STPG2: variants seen among roughly 807,000 people sequenced by gnomAD.
The protein encoded by STPG2 is sperm-tail PG-rich repeat-containing protein 2.
A neutral mutation model predicts 54.2 loss-of-function variants in STPG2; 56 were observed. The observed-to-expected ratio is 1.03, with a 90% CI of 0.83 to 1.29. The LOEUF is 1.29. Ranked by LOEUF, STPG2 falls within the 50% of genes most tolerant of loss-of-function variation. The pLI, the probability that STPG2 is intolerant of heterozygous loss-of-function variation, is 0.00. For missense variants in STPG2, 596 were observed against 544.9 expected, an observed-to-expected ratio of 1.09 and a Z score of -0.93; for synonymous variants, 200 against 181.8, an observed-to-expected ratio of 1.10 and a Z score of -0.81.
At position 98,068,965 on chromosome 4, in the gene STPG2, C is replaced by T. The variant is rs1321779914; in HGVS notation, c.612+36988G>A. ...ATAATCTTATGGGACCATCATCATA[C>T]GTGCAGTCCATTGTTGACCAAAATA... is the stretch of plus-strand genomic sequence containing the variant. On this transcript the variant is annotated intron_variant, in intron 5 of 10. Transcript: ENST00000295268. 3.3e-5 allele frequency among the ~76,000 whole-genome samples: 5 copies of T among 151,996 alleles called. 1 individual carries two copies. The highest frequency in any genetic ancestry group is 5.9e-5 in the Non-Finnish European group (4 of 68,004).
intron 5 of STPG2, among the ~76,000 whole-genome samples, chr4:98,065,217 C>A (rs1297843916): frequency 6.6e-6 from 1 of 152,076 alleles, no homozygotes; most frequent in Non-Finnish European, 1.5e-5. Flanking sequence ...GCTATAATTT[C>A]TATTCAAGGC....
intron 4 of STPG2, among the ~76,000 whole-genome samples, chr4:97,442,301 C>T (rs1039105972): frequency 1.3e-5 from 2 of 151,256 alleles, no homozygotes; most frequent in Admixed American, 1.3e-4. Context: ...CTAGCTTGTT[C>T]TTTCTTCATG....
chr4:97,508,790 T>A (rs1730907525), intron 4 of STPG2, among the ~76,000 whole-genome samples: 1 of 152,026 alleles, frequency 6.6e-6, no homozygotes, highest in African/African-American at 2.4e-5. Context: ...GAACTAAAAT[T>A]TACCTATTAA....
At chr4:97,939,975 A>G (rs1026236889) in intron 8 of STPG2, among the ~76,000 whole-genome samples, 3 of 152,060 alleles carry the variant, frequency 2.0e-5, no homozygotes, top group African/African-American at 7.2e-5. Context: ...TTCTTTCAAG[A>G]TCTCTTGTAA....
At chr4:97,965,966 A>T (rs551648281) in intron 7 of STPG2, among the ~76,000 whole-genome samples, 1 of 152,306 alleles carries the variant, frequency 6.6e-6, no homozygotes, top group Admixed American at 6.5e-5. Context: ...TTCTCCTCTA[A>T]AGGATTGCAG....
chr4:97,963,084 G>A (rs994941739), intron 7 of STPG2, among the ~76,000 whole-genome samples: 9 of 152,040 alleles, frequency 5.9e-5, no homozygotes, highest in Middle Eastern at 3.2e-3. Flanking sequence ...GCTTGAACCC[G>A]GGAGGCAGAG....
At chr4:97,824,785 G>C (rs1045479264) in intron 9 of STPG2, among the ~76,000 whole-genome samples, 1 of 152,186 alleles carries the variant, frequency 6.6e-6, no homozygotes, top group African/African-American at 2.4e-5. Context: ...GCCCAATGCT[G>C]TAGCTCAGCA....
At chr4:97,905,241 G>A (rs1182890054) in intron 8 of STPG2, among the ~76,000 whole-genome samples, 1 of 152,138 alleles carries the variant, frequency 6.6e-6, no homozygotes, top group African/African-American at 2.4e-5. Flanking sequence ...AAGCCCATCA[G>A]ACTAACAGCG....
At chr4:98,142,955 CTA>C (rs1052502338) in intron 1 of STPG2, 85 bp downstream of exon 1, 25 of 1,131,390 alleles carry the variant, frequency 2.2e-5, no homozygotes, top group Middle Eastern at 3.9e-4. Flanking sequence ...CTATTCCGCT[CTA>C]TGTTTAACTC....
chr4:98,129,519 T>C (rs1739925533), intron 2 of STPG2, among the ~76,000 whole-genome samples: 1 of 152,162 alleles, frequency 6.6e-6, no homozygotes, highest in Non-Finnish European at 1.5e-5. Context: ...CACATACATA[T>C]ATAATTTAAT....
At chr4:98,036,393 C>T (rs13101352) in intron 5 of STPG2, among the ~76,000 whole-genome samples, 59,911 of 151,658 alleles carry the variant, frequency 0.4, 12,064 homozygotes, top group Middle Eastern at 0.46. Flanking sequence ...ATAGCAAGGA[C>T]GTGGAATCAA....
At chr4:97,809,206 G>C (rs931418539) in intron 9 of STPG2, among the ~76,000 whole-genome samples, 15 of 152,124 alleles carry the variant, frequency 9.9e-5, no homozygotes, top group Admixed American at 9.8e-4. Flanking sequence ...AATATCTCAA[G>C]TCCTATAAAC....
At chr4:97,597,835 G>T (rs1733339422) in intron 10 of STPG2, among the ~76,000 whole-genome samples, 1 of 152,042 alleles carries the variant, frequency 6.6e-6, no homozygotes, top group Non-Finnish European at 1.5e-5. Flanking sequence ...AGACAATGAT[G>T]CCCACTCTCA....
chr4:97,821,683 T>C (rs947493835), intron 9 of STPG2, among the ~76,000 whole-genome samples: 1 of 152,198 alleles, frequency 6.6e-6, no homozygotes, highest in Admixed American at 6.5e-5. Flanking sequence ...CCTCCCTCAC[T>C]CTTGCACTCT....
chr4:97,794,729 C>T (rs145733689), intron 9 of STPG2, among the ~76,000 whole-genome samples: 5 of 152,158 alleles, frequency 3.3e-5, no homozygotes, highest in African/African-American at 1.2e-4. Context: ...AAAAGAAGTT[C>T]TTTCTGTGTT....
intron 9 of STPG2, among the ~76,000 whole-genome samples, chr4:97,779,887 A>T (rs539659603): frequency 1.3e-5 from 2 of 152,280 alleles, no homozygotes; most frequent in East Asian, 3.9e-4. Context: ...ATGCTGAGAG[A>T]TTCTGTCACC....
At chr4:97,828,800 A>G (rs1728345892) in intron 9 of STPG2, among the ~76,000 whole-genome samples, 1 of 152,182 alleles carries the variant, frequency 6.6e-6, no homozygotes, top group African/African-American at 2.4e-5. Context: ...ACCACAGCTA[A>G]GCAAGGCTGC....
chr4:98,098,872 A>C (rs1050982464), intron 5 of STPG2, among the ~76,000 whole-genome samples: 1 of 152,170 alleles, frequency 6.6e-6, no homozygotes, highest in Non-Finnish European at 1.5e-5. Flanking sequence ...TGAAAAGGTG[A>C]TGAACATAAT....
chr4:97,558,013 T>C (rs536875384), downstream of STPG2, among the ~76,000 whole-genome samples: 1 of 152,290 alleles, frequency 6.6e-6, no homozygotes, highest in East Asian at 1.9e-4. Flanking sequence ...CTTTCCTGCA[T>C]TTTCTTAACA....
Sources: gnomAD v4.1 joint callset for allele counts (sites outside exome capture counted in the v4.1 genomes callset) on GRCh38, gnomAD v4.1.1 for gene constraint, MANE v1.5 for transcripts, NCBI Gene and HGNC (gene_info 2026-07-23, HGNC 2026-07-21) for gene names.